Variants in CCNJL observed in about 807,000 individuals in gnomAD.
CCNJL encodes cyclin J like.
In CCNJL, 33 loss-of-function variants were observed where a neutral mutation model predicts 33.4. The ratio of observed to expected loss-of-function variants is 0.99; its 90% CI spans 0.75 to 1.32. CCNJL has a LOEUF of 1.32. Ranked by LOEUF, CCNJL falls within the 40% of genes most tolerant of loss-of-function variation. The probability of loss-of-function intolerance (pLI) is 0.00; values close to 1 mark genes in which losing one functional copy is unlikely to be tolerated. For missense variants in CCNJL, 512 were observed against 499.7 expected, an observed-to-expected ratio of 1.02 and a Z score of -0.23; for synonymous variants, 227 against 220.9, an observed-to-expected ratio of 1.03 and a Z score of -0.24.
intron 2 of CCNJL, among the ~76,000 whole-genome samples, chr5:160,301,737 CTT>C (rs1327410011): frequency 2.5e-5 from 3 of 121,952 alleles, no homozygotes; most frequent in South Asian, 2.9e-4. Context: ...ACCCGGTCGT[CTT>C]TTTTTTTTTT....
chr5:160,252,951 G>A lies in CCNJL; in HGVS notation c.*427C>T, dbSNP rs568062583. The stretch of plus-strand genomic sequence containing the variant: ...CAATATGGGATCCTCCGGGGGTCCT[G>A]AGAACACGCCAGGCTGCCCCTCCTT... On this transcript the variant is annotated 3_prime_UTR_variant, in exon 6 of 6. Coordinates refer to ENST00000257536, the MANE Select transcript of CCNJL (RefSeq NM_001308173.3). 131 of 157,192 alleles carry A rather than the reference G, an allele frequency of 8.3e-4. No homozygotes were observed. Among genetic ancestry groups the A allele is most frequent in the Non-Finnish European group, 1.6e-3 (113 of 71,358 alleles). The allele number at this position is 157,192 out of a possible 1,614,324, so 9.7% of individuals were successfully genotyped here. A position where few individuals can be genotyped will look rare whatever the true frequency, so the allele number is the denominator to read the frequency against.
upstream of CCNJL, among the ~76,000 whole-genome samples, chr5:160,316,318 C>T (rs1355860220): frequency 6.6e-6 from 1 of 152,134 alleles, no homozygotes; most frequent in Non-Finnish European, 1.5e-5. Flanking sequence ...TACCATGAGT[C>T]AGTTACCATC....
chr5:160,290,934 T>C (rs1245590339), intron 2 of CCNJL, among the ~76,000 whole-genome samples: 1 of 146,792 alleles, frequency 6.8e-6, no homozygotes, highest in African/African-American at 2.5e-5. Context: ...AGGGGCTGGG[T>C]GCAGTGACTC....
chr5:160,288,998 G>C (rs1762498971), intron 2 of CCNJL, among the ~76,000 whole-genome samples: 1 of 152,108 alleles, frequency 6.6e-6, no homozygotes, highest in South Asian at 2.1e-4. Flanking sequence ...GCCCCTCAGA[G>C]AGCATGGGAA....
chr5:160,264,064 G>C (rs2112764), intron 3 of CCNJL, among the ~76,000 whole-genome samples: 2 of 150,928 alleles, frequency 1.3e-5, no homozygotes, highest in African/African-American at 4.9e-5. Flanking sequence ...TCCCACCTCA[G>C]CCTCCTGAGT....
Position 160,250,946 on chromosome 5 carries a change from T to G in CCNJL, c.*2432A>C, listed in dbSNP as rs1760784710. The G allele has an allele frequency of 6.6e-6, 1 of 152,190 alleles. No individual in the cohort carries two copies. The highest frequency in any genetic ancestry group is 2.4e-5 in the African/African-American group (1 of 41,438). 9.4% of individuals were successfully genotyped at this position (152,190 alleles called of 1,614,324 possible). A position where few individuals can be genotyped will look rare whatever the true frequency, so the allele number is the denominator to read the frequency against. ...ACTCCCATTTTAACAGGTGACAAGATGGAGGCTCAGAGAGAGGTTGGGTCA... is the reference window on the plus strand; with the variant it reads ...ACTCCCATTTTAACAGGTGACAAGAGGGAGGCTCAGAGAGAGGTTGGGTCA... On this transcript the variant is annotated 3_prime_UTR_variant, in exon 6 of 6. Transcript: ENST00000257536.
upstream of CCNJL, among the ~76,000 whole-genome samples, chr5:160,313,545 G>GA (rs920082091): frequency 1.1e-4 from 17 of 151,266 alleles, no homozygotes; most frequent in South Asian, 2.1e-4. Context: ...ACACACCTGG[G>GA]AAAAAAAAAT....
At chr5:160,292,543 C>T (rs561395823) in intron 2 of CCNJL, among the ~76,000 whole-genome samples, 2 of 152,156 alleles carry the variant, frequency 1.3e-5, no homozygotes, top group South Asian at 2.1e-4. Flanking sequence ...ATCATTTAAG[C>T]CCAGAAGTTT....
Position 160,263,943 on chromosome 5 carries a change from CTTT to C in CCNJL, c.281-4175_281-4173del, listed in dbSNP as rs1156940851. On this transcript the variant is annotated intron_variant, in intron 3 of 5. Transcript: ENST00000257536. ...GGAACAGCAGGAGCCCTATCAACCT[CTTT>C]TTTTTTTTTTTTTTTGAGATAGGGT... is the stretch of plus-strand genomic sequence containing the variant. Among the ~76,000 whole-genome samples, 279 of 136,556 alleles carry C rather than the reference CTTT, an allele frequency of 2.0e-3. 1 individual carries two copies. The highest frequency in any genetic ancestry group is 6.7e-3 in the African/African-American group (249 of 37,310). 89.6% of individuals were successfully genotyped at this position (136,556 alleles called of 152,430 possible).
rs1760880250 is a variant in CCNJL at position 160,253,120 on chromosome 5, T to TG, written c.*257dup. 4.7e-5 allele frequency: 18 copies of TG among 386,574 alleles called. 1 individual carries two copies. In the South Asian group the frequency reaches 1.2e-3, roughly 25 times the overall value. The allele number at this position is 386,574 out of a possible 1,614,324, so 23.9% of individuals were successfully genotyped here. A position where few individuals can be genotyped will look rare whatever the true frequency, so the allele number is the denominator to read the frequency against. ...TTTCTCGATTCACTGGGCCCCTGTG[T>TG]GGGGGGACGGCCACCAAGCCATCCT... On this transcript the variant is annotated 3_prime_UTR_variant, in exon 6 of 6. Coordinates refer to ENST00000257536, the MANE Select transcript of CCNJL (RefSeq NM_001308173.3).
At chr5:160,320,784 C>G (rs1181598616) in intron 1 of CCNJL, among the ~76,000 whole-genome samples, 1 of 145,478 alleles carries the variant, frequency 6.9e-6, no homozygotes, top group East Asian at 2.0e-4. Context: ...TCTTTTCTTT[C>G]TTTCCTTTCT....
At chr5:160,270,573 C>T (rs1761795637) in intron 3 of CCNJL, among the ~76,000 whole-genome samples, 1 of 152,004 alleles carries the variant, frequency 6.6e-6, no homozygotes, top group Non-Finnish European at 1.5e-5. Context: ...TGAGATCCTG[C>T]CTCAAAAAGA....
chr5:160,273,228 C>T (rs1429482168), intron 3 of CCNJL, among the ~76,000 whole-genome samples: 1 of 152,224 alleles, frequency 6.6e-6, no homozygotes, highest in Non-Finnish European at 1.5e-5. Flanking sequence ...CTGATCACAA[C>T]ATTTCATCAA....
At chr5:160,330,965 C>G (rs1763600111) in intron 1 of CCNJL, among the ~76,000 whole-genome samples, 1 of 151,852 alleles carries the variant, frequency 6.6e-6, no homozygotes, top group Admixed American at 6.5e-5. Context: ...CTGCTCCTGT[C>G]TTAATTCTCA....
At chr5:160,318,761 G>A (rs754919100) in intron 1 of CCNJL, among the ~76,000 whole-genome samples, 11 of 152,094 alleles carry the variant, frequency 7.2e-5, no homozygotes, top group Admixed American at 5.9e-4. Flanking sequence ...TCACCATTAC[G>A]GAAAGAATGA....
Position 160,249,193 on chromosome 5 carries a change from T to C in CCNJL, c.*4185A>G, listed in dbSNP as rs933610801. On this transcript the variant is annotated 3_prime_UTR_variant, in exon 6 of 6. Coordinates refer to ENST00000257536, the MANE Select transcript of CCNJL (RefSeq NM_001308173.3). ...ATGCTGCCTCTGAAACTTAATTACA[T>C]CCAGAAAGGACACTTGCATGCTAGT... 2.0e-5 allele frequency: 3 copies of C among 152,222 alleles called. No homozygotes were observed. The highest frequency in any genetic ancestry group is 4.4e-5 in the Non-Finnish European group (3 of 68,038). The allele number at this position is 152,222 out of a possible 1,614,324, so 9.4% of individuals were successfully genotyped here.
chr5:160,294,316 G>T (rs114559796), intron 2 of CCNJL, among the ~76,000 whole-genome samples: 1 of 152,182 alleles, frequency 6.6e-6, no homozygotes, highest in East Asian at 1.9e-4. Flanking sequence ...AGGGTGGCCC[G>T]TGTCACATAA....
chr5:160,274,276 T>G (rs1003553221), intron 3 of CCNJL, among the ~76,000 whole-genome samples: 5 of 151,950 alleles, frequency 3.3e-5, no homozygotes, highest in African/African-American at 1.2e-4. Flanking sequence ...CTGGCCAACA[T>G]GGTGAAACCC....
At chr5:160,259,384 G>T in intron 4 of CCNJL, 85 bp downstream of exon 4, 1 of 1,241,224 alleles carries the variant, frequency 8.1e-7, no homozygotes, top group Non-Finnish European at 1.1e-6. Context: ...GATCTGGATG[G>T]ACATGCCTTT....
Sources: gnomAD v4.1 joint callset for allele counts (sites outside exome capture counted in the v4.1 genomes callset) on GRCh38, gnomAD v4.1.1 for gene constraint, MANE v1.5 for transcripts, NCBI Gene and HGNC (gene_info 2026-07-23, HGNC 2026-07-21) for gene names.